Variants in CHD2 observed in about 807,000 individuals in gnomAD.
CHD2 encodes the protein ATP-dependent chromatin remodeler CHD2.
In CHD2, 28 loss-of-function variants were observed where a neutral mutation model predicts 243.9. The observed-to-expected ratio is 0.11, with a 90% CI of 0.09 to 0.16. CHD2 has a LOEUF of 0.16. Among genes scored for constraint, CHD2 ranks in the 10% least tolerant of loss-of-function variants. The pLI is 1.00. For missense variants in CHD2, 1,386 were observed against 2,209.8 expected (o/e 0.63, Z 7.47); for synonymous variants, 775 against 779.0 (o/e 0.99, Z 0.09).
intron 26 of CHD2, among the ~76,000 whole-genome samples, chr15:92,986,817 G>A (rs1333705913): frequency 1.3e-5 from 2 of 152,180 alleles, no homozygotes; most frequent in Non-Finnish European, 2.9e-5. Context: ...CTGGGCTCAA[G>A]TGATCCTCCT....
At position 92,998,134 on chromosome 15, in the gene CHD2, G is replaced by A. The variant is rs938296955; in HGVS notation, c.3886-365G>A. The A allele has an allele frequency of 1.0e-6, 1 of 1,000,594 alleles. No homozygotes were observed. Among genetic ancestry groups the A allele is most frequent in the Non-Finnish European group, 1.2e-6 (1 of 836,322 alleles). 62.0% of individuals were successfully genotyped at this position (1,000,594 alleles called of 1,614,324 possible). On this transcript the variant is annotated intron_variant, in intron 30 of 38. Coordinates refer to ENST00000394196, the MANE Select transcript of CHD2 (RefSeq NM_001271.4). The surrounding 1 kb of genome is among the most constrained non-coding windows in gnomAD (Gnocchi z 5.1). ...CTAAGAAGCATTTTCAATCTAAAAC[G>A]AAGCTTTAACCTAGCTCCAGGGATT...
intron 28 of CHD2, 98 bp from the exon 29 acceptor site, chr15:92,996,859 T>A: frequency 1.7e-6 from 2 of 1,172,064 alleles, no homozygotes; most frequent in Non-Finnish European, 1.2e-6. Flanking sequence ...GCCAGAGATA[T>A]ATTCAGAGAG....
intron 19 of CHD2, among the ~76,000 whole-genome samples, chr15:92,973,425 A>G (rs1567147905): frequency 6.6e-6 from 1 of 151,912 alleles, no homozygotes; most frequent in East Asian, 1.9e-4. Flanking sequence ...GATTTATTAC[A>G]TTTTTTTTAA....
intron 13 of CHD2, among the ~76,000 whole-genome samples, chr15:92,952,009 TTA>T (rs971295787): frequency 2.6e-4 from 39 of 152,360 alleles, no homozygotes; most frequent in Non-Finnish European, 3.8e-4. Context: ...TAAGCACATA[TTA>T]TATATACGTG....
In CHD2 at chr15:92,912,775, C is replaced by G. The variant is rs141075932; in HGVS notation, c.62+11476C>G. Among the ~76,000 whole-genome samples the G allele has an allele frequency of 6.1e-3, 898 of 147,518 alleles. 9 individuals carry two copies. The highest frequency in any genetic ancestry group is 0.022 in the African/African-American group (823 of 37,500). On this transcript the variant is annotated intron_variant, in intron 2 of 38. Coordinates refer to ENST00000394196, the MANE Select transcript of CHD2 (RefSeq NM_001271.4). ...GGTCTCAAACTCCTGACCTCGTGAT[C>G]CGCCAACCTTGTGATCCGCCCGCCT...
Position 92,997,209 on chromosome 15 carries a change from A to C in CHD2, c.3735-44A>C. On this transcript the variant is annotated intron_variant, in intron 29 of 38. Coordinates refer to ENST00000394196, the MANE Select transcript of CHD2 (RefSeq NM_001271.4). This position sits in a 1 kb window ranked among gnomAD's most constrained non-coding sequence, Gnocchi z 4.1. ...ACTGTCTCTTCTTTAACATACCAAA[A>C]AGGCCCCTCTTCTAATGTCTTCCTG... 1 of 1,611,118 alleles carries C rather than the reference A, an allele frequency of 6.2e-7. No individual in the cohort carries two copies. Among genetic ancestry groups the C allele is most frequent in the Non-Finnish European group, 8.5e-7 (1 of 1,179,124 alleles).
chr15:92,904,342 A>C, intron 2 of CHD2: 2 of 638,394 alleles, frequency 3.1e-6, no homozygotes, highest in Non-Finnish European at 3.9e-6. Context: ...GCCTGGTAAC[A>C]GCAGGGTCAA....
In CHD2 at chr15:92,943,042, G is replaced by A. The variant is rs769365284; in HGVS notation, c.1026G>A (p.Lys342=). ...GCCTAAAAAAACTAGAGAACTTCAA[G>A]AAAAAAGAGGACGAAATCAAACAAT... is the stretch of plus-strand genomic sequence containing the variant. The part of the protein sequence containing the change: ...VKGLKKLENF[K]KKEDEIKQWL... The change falls in exon 9 of 39, where the codon AAG becomes AAA. Residue 342 remains lysine, a synonymous_variant. Transcript: ENST00000394196. 2 of 1,613,310 alleles carry A rather than the reference G, an allele frequency of 1.2e-6. No individual in the cohort carries two copies. Among genetic ancestry groups the A allele is most frequent in the South Asian group, 2.2e-5 (2 of 91,040 alleles).
At chr15:92,929,511 ATAT>A (rs1472970883) in intron 5 of CHD2, among the ~76,000 whole-genome samples, 1 of 152,206 alleles carries the variant, frequency 6.6e-6, no homozygotes, top group Non-Finnish European at 1.5e-5. Context: ...AAGAAATTAC[ATAT>A]TGTTGTTTCT....
chr15:92,903,466 G>C (rs2052559125), intron 2 of CHD2, among the ~76,000 whole-genome samples: 1 of 152,104 alleles, frequency 6.6e-6, no homozygotes, highest in Non-Finnish European at 1.5e-5. Flanking sequence ...CCCTGTTTTT[G>C]GAAATAGTGC....
intron 37 of CHD2, among the ~76,000 whole-genome samples, chr15:93,016,906 A>G (rs7176914): frequency 3.2e-4 from 49 of 152,354 alleles, no homozygotes; most frequent in African/African-American, 1.2e-3. Context: ...AAAATGAGCA[A>G]AAGTTATGAA....
intron 3 of CHD2, among the ~76,000 whole-genome samples, chr15:92,926,356 C>T (rs541494001): frequency 6.6e-6 from 1 of 152,298 alleles, no homozygotes; most frequent in Admixed American, 6.5e-5. Flanking sequence ...ATGACGTTAG[C>T]TGTCACCTGT....
At position 92,996,962 on chromosome 15, in the gene CHD2, G is replaced by C; in HGVS notation, c.3601G>C (p.Gly1201Arg). 6.3e-7 allele frequency: 1 copy of C among 1,597,986 alleles called. No homozygotes were observed. Among genetic ancestry groups the C allele is most frequent in the South Asian group, 1.1e-5 (1 of 87,192 alleles). Residue 1201 changes from glycine (G) to arginine (R), a missense_variant, in exon 29 of 39, where the codon GGA (glycine) becomes CGA (arginine). Physicochemically the swap from Gly to Arg is moderately radical, Grantham distance 125 (BLOSUM62 -2). This residue lies in a region of CHD2 where 99 missense variants were observed against 176.9 expected (regional missense o/e 0.56). Coordinates refer to ENST00000394196, the MANE Select transcript of CHD2 (RefSeq NM_001271.4). The stretch of plus-strand genomic sequence containing the variant: ...GTGAAACTGGTATTTTTCAGGAAAA[G>C]GACCAGGGAAAAGGAGAGGTCCAAC... Reference protein sequence around the residue: ...QLKENASEGKGPGKRRGPTIK... With the variant: ...QLKENASEGKRPGKRRGPTIK...
chr15:92,951,272 G>A (rs907421793), intron 13 of CHD2, among the ~76,000 whole-genome samples: 23 of 152,114 alleles, frequency 1.5e-4, no homozygotes, highest in Admixed American at 1.3e-3. Context: ...CCAGGTTCAC[G>A]TGATTCTCCT....
At chr15:92,903,930 T>A (rs1336841716) in intron 2 of CHD2, among the ~76,000 whole-genome samples, 1 of 152,334 alleles carries the variant, frequency 6.6e-6, no homozygotes, top group East Asian at 1.9e-4. Context: ...CTGGGGATGA[T>A]TAGAAATGGC....
At chr15:92,934,687 T>C (rs2053234050) in intron 5 of CHD2, among the ~76,000 whole-genome samples, 1 of 152,216 alleles carries the variant, frequency 6.6e-6, no homozygotes, top group African/African-American at 2.4e-5. Context: ...GTCACTTTTT[T>C]CACTTCACCC....
intron 13 of CHD2, among the ~76,000 whole-genome samples, chr15:92,951,474 A>T (rs556611562): frequency 6.6e-6 from 1 of 152,206 alleles, no homozygotes; most frequent in South Asian, 2.1e-4. Flanking sequence ...CCTGGCCAGC[A>T]TTTTTTTACT....
chr15:92,932,055 G>C (rs1211230316), intron 5 of CHD2, among the ~76,000 whole-genome samples: 1 of 151,944 alleles, frequency 6.6e-6, no homozygotes, highest in Non-Finnish European at 1.5e-5. Context: ...ATAGAGACGG[G>C]GTTTCACCAT....
In CHD2 at chr15:92,984,497, A is replaced by G. The variant is rs1014558108; in HGVS notation, c.3234A>G (p.Lys1078=). ...YMLPRIRSST[K]KAQTNDSDSD... is the part of the protein sequence containing the mutation. ...TGCCTCGAATTCGGAGTTCCACTAA[A>G]AAGGTGATCAAGTGAGATGAAAGAT... Residue 1078 remains lysine, a synonymous_variant, in exon 25 of 39, where the codon AAA becomes AAG. Transcript: ENST00000394196. 1 of 1,608,812 alleles carries G rather than the reference A, an allele frequency of 6.2e-7. No homozygotes were observed. The highest frequency in any genetic ancestry group is 1.3e-5 in the African/African-American group (1 of 74,498).
Sources: allele counts gnomAD v4.1 joint callset (sites outside exome capture counted in the v4.1 genomes callset), GRCh38; gene constraint gnomAD v4.1.1; regional missense constraint gnomAD v4.1.1; non-coding constraint Gnocchi (gnomAD v3.1); transcripts MANE v1.5; gene names NCBI Gene and HGNC (gene_info 2026-07-23, HGNC 2026-07-21).